Variants in RNF152 observed in about 807,000 individuals in gnomAD.
RNF152 encodes ring finger protein 152.
Under a neutral mutation model 12.7 loss-of-function variants are expected in RNF152, and 11 were observed. That is an observed-to-expected ratio of 0.86 (90% CI 0.54 to 1.43). RNF152 has a LOEUF of 1.43. RNF152 is among the 40% of genes most tolerant of loss of function. RNF152 has a pLI of 0.00. For missense variants in RNF152, 255 were observed against 274.8 expected (o/e 0.93, Z 0.51); for synonymous variants, 113 against 120.3 (o/e 0.94, Z 0.40).
chr18:61,871,978 G>A (rs536148794), intron 1 of RNF152, among the ~76,000 whole-genome samples: 7 of 152,256 alleles, frequency 4.6e-5, no homozygotes, highest in South Asian at 2.1e-4. Context: ...ACTTAAGACT[G>A]GGTAATTTAT....
Position 61,816,576 on chromosome 18 carries a change from A to G in RNF152, c.-113T>C. On this transcript the variant is annotated 5_prime_UTR_variant, in exon 2 of 2. Coordinates refer to ENST00000312828, the MANE Select transcript of RNF152 (RefSeq NM_173557.3). The stretch of plus-strand genomic sequence containing the variant: ...GGTAATGGCAAGCTCACAGGCATCC[A>G]GTACTCACAGGTGTGTTCATTTCTG... 8 of 1,095,500 alleles carry G rather than the reference A, an allele frequency of 7.3e-6. No individual in the cohort carries two copies. The highest frequency in any genetic ancestry group is 1.1e-5 in the Non-Finnish European group (8 of 752,710). 67.9% of individuals were successfully genotyped at this position (1,095,500 alleles called of 1,614,324 possible).
intron 1 of RNF152, among the ~76,000 whole-genome samples, chr18:61,864,172 C>G (rs1911627030): frequency 6.6e-6 from 1 of 152,194 alleles, no homozygotes; most frequent in South Asian, 2.1e-4. Flanking sequence ...CCCGGAGTCA[C>G]AGACCCCACA....
chr18:61,880,353 T>C (rs1912404628), intron 1 of RNF152, among the ~76,000 whole-genome samples: 1 of 152,198 alleles, frequency 6.6e-6, no homozygotes, highest in Non-Finnish European at 1.5e-5. Context: ...GTTTTCAAAA[T>C]GCTTTTGAAC....
At chr18:61,834,133 C>T (rs889068170) in intron 1 of RNF152, among the ~76,000 whole-genome samples, 4 of 152,208 alleles carry the variant, frequency 2.6e-5, no homozygotes, top group Middle Eastern at 3.2e-3. Flanking sequence ...TTGAATCCCA[C>T]ACTCCAGCCA....
chr18:61,823,395 A>G (rs1371841752), intron 1 of RNF152, among the ~76,000 whole-genome samples: 2 of 152,238 alleles, frequency 1.3e-5, no homozygotes, highest in Non-Finnish European at 2.9e-5. Context: ...TCTTGGGTCC[A>G]GGCTATTCTC....
intron 1 of RNF152, among the ~76,000 whole-genome samples, chr18:61,871,385 G>C (rs191076777): frequency 7.8e-4 from 118 of 152,146 alleles, no homozygotes; most frequent in African/African-American, 2.7e-3. Context: ...CAGATACCTT[G>C]CAAGTGCTCC....
chr18:61,845,927 G>C lies in RNF152; in HGVS notation c.-135-29329C>G, dbSNP rs1444740691. ...AACAGGTGGGGCTTTGTGTGGGGGG[G>C]CGTGGTGATGAGGACTCAGCCCTCC... On this transcript the variant is annotated intron_variant, in intron 1 of 1. Coordinates refer to ENST00000312828, the MANE Select transcript of RNF152 (RefSeq NM_173557.3). Among the ~76,000 whole-genome samples the C allele has an allele frequency of 1.1e-4, 17 of 151,984 alleles. No homozygotes were observed. In the East Asian group the frequency reaches 1.6e-3, roughly 14 times the overall value.
intron 1 of RNF152, among the ~76,000 whole-genome samples, chr18:61,855,514 G>A (rs1471664109): frequency 6.6e-6 from 1 of 152,210 alleles, no homozygotes; most frequent in African/African-American, 2.4e-5. Flanking sequence ...CTTTCTGGGT[G>A]CCACCGTGTT....
At chr18:61,835,845 A>G (rs1387644612) in intron 1 of RNF152, among the ~76,000 whole-genome samples, 1 of 152,208 alleles carries the variant, frequency 6.6e-6, no homozygotes, top group African/African-American at 2.4e-5. Context: ...TTCTGAAACT[A>G]GTTTGTATAG....
At chr18:61,839,421 G>A (rs1910344008) in intron 1 of RNF152, among the ~76,000 whole-genome samples, 1 of 152,198 alleles carries the variant, frequency 6.6e-6, no homozygotes, top group Non-Finnish European at 1.5e-5. Flanking sequence ...GTTTGGGTTT[G>A]TGTGATGTTT....
chr18:61,860,977 T>C (rs1169944206), intron 1 of RNF152, among the ~76,000 whole-genome samples: 4 of 152,152 alleles, frequency 2.6e-5, no homozygotes, highest in Non-Finnish European at 5.9e-5. Flanking sequence ...TAAAGAAAAA[T>C]ATTTTGGTAC....
intron 1 of RNF152, among the ~76,000 whole-genome samples, chr18:61,827,808 T>G (rs1485037670): frequency 6.6e-6 from 1 of 152,216 alleles, no homozygotes; most frequent in Non-Finnish European, 1.5e-5. Flanking sequence ...TGCTCATTAC[T>G]TCTGCTTTTT....
Position 61,808,351 on chromosome 18 carries a change from C to T in RNF152, c.*7501G>A, listed in dbSNP as rs898336287. On this transcript the variant is annotated 3_prime_UTR_variant, in exon 2 of 2. Coordinates refer to ENST00000312828, the MANE Select transcript of RNF152 (RefSeq NM_173557.3). Reference sequence around the variant, plus strand: ...ATTTGGACAATATTTTCTACACAGCCCAGCAGCTCATTTATCTGTAGGGCT... The same window carrying T: ...ATTTGGACAATATTTTCTACACAGCTCAGCAGCTCATTTATCTGTAGGGCT... 5.6e-5 allele frequency: 8 copies of T among 143,814 alleles called. No homozygotes were observed. Among genetic ancestry groups the T allele is most frequent in the Admixed American group, 1.4e-4 (2 of 13,958 alleles). The allele number at this position is 143,814 out of a possible 1,614,324, so 8.9% of individuals were successfully genotyped here.
At position 61,808,791 on chromosome 18, in the gene RNF152, A is replaced by C. The variant is rs1912817216; in HGVS notation, c.*7061T>G. Reference sequence around the variant, plus strand: ...ATAGATCCACAGGAACAGGCCTTGCATTCCATGGTTAAGAGGATTCTAGAG... The same window carrying C: ...ATAGATCCACAGGAACAGGCCTTGCCTTCCATGGTTAAGAGGATTCTAGAG... On this transcript the variant is annotated 3_prime_UTR_variant, in exon 2 of 2. Coordinates refer to ENST00000312828, the MANE Select transcript of RNF152 (RefSeq NM_173557.3). The C allele has an allele frequency of 6.6e-6, 1 of 152,256 alleles. No individual in the cohort carries two copies. Among genetic ancestry groups the C allele is most frequent in the African/African-American group, 2.4e-5 (1 of 41,466 alleles). 9.4% of individuals were successfully genotyped at this position (152,256 alleles called of 1,614,324 possible).
chr18:61,869,767 A>G (rs556315727), intron 1 of RNF152, among the ~76,000 whole-genome samples: 7 of 152,220 alleles, frequency 4.6e-5, no homozygotes, highest in Non-Finnish European at 1.0e-4. Flanking sequence ...ACGCACACAC[A>G]TGCACACACC....
In RNF152 at chr18:61,815,742, C is replaced by G; in HGVS notation, c.*110G>C. ...AATCAAGAGGCAACCCAGAGGCCAG[C>G]GCTCAGCACCAAATGGTCAGTGTTG... is the stretch of plus-strand genomic sequence containing the variant. On this transcript the variant is annotated 3_prime_UTR_variant, in exon 2 of 2. Coordinates refer to ENST00000312828, the MANE Select transcript of RNF152 (RefSeq NM_173557.3). The G allele has an allele frequency of 7.9e-7, 1 of 1,266,588 alleles. No individual in the cohort carries two copies. Among genetic ancestry groups the G allele is most frequent in the Non-Finnish European group, 1.1e-6 (1 of 897,386 alleles). 78.5% of individuals were successfully genotyped at this position (1,266,588 alleles called of 1,614,324 possible).
intron 1 of RNF152, among the ~76,000 whole-genome samples, chr18:61,840,182 A>AATGGG (rs1475047672): frequency 6.6e-6 from 1 of 152,184 alleles, no homozygotes; most frequent in Non-Finnish European, 1.5e-5. Context: ...GTGACCAGGA[A>AATGGG]ATGGGCTCTT....
At position 61,808,501 on chromosome 18, in the gene RNF152, TA is replaced by T. The variant is rs2144591050; in HGVS notation, c.*7350del. 1 of 150,966 alleles carries T rather than the reference TA, an allele frequency of 6.6e-6. No homozygotes were observed. Among genetic ancestry groups the T allele is most frequent in the Admixed American group, 6.6e-5 (1 of 15,130 alleles). 9.4% of individuals were successfully genotyped at this position (150,966 alleles called of 1,614,324 possible). A position where few individuals can be genotyped will look rare whatever the true frequency, so the allele number is the denominator to read the frequency against. ...CTCTGAGCAGCATTAATATAGCCAT[TA>T]GACTGGAGTATTTGTTATCAAGAGG... On this transcript the variant is annotated 3_prime_UTR_variant, in exon 2 of 2. Coordinates refer to ENST00000312828, the MANE Select transcript of RNF152 (RefSeq NM_173557.3).
chr18:61,836,065 G>A (rs1224785099), intron 1 of RNF152, among the ~76,000 whole-genome samples: 1 of 152,192 alleles, frequency 6.6e-6, no homozygotes, highest in African/African-American at 2.4e-5. Flanking sequence ...GAAAGGCCTA[G>A]AAACAGTGAC....
Sources: gnomAD v4.1 joint callset for allele counts (sites outside exome capture counted in the v4.1 genomes callset) on GRCh38, gnomAD v4.1.1 for gene constraint, MANE v1.5 for transcripts, NCBI Gene and HGNC (gene_info 2026-07-23, HGNC 2026-07-21) for gene names.